The following POTEH variants were observed in gnomAD, a reference collection of about 807,000 sequenced individuals.
The protein encoded by POTEH is ANKRD26-like family C member 3.
POTEH carries 6 observed loss-of-function variants against 41.7 expected under a neutral mutation model. The ratio of observed to expected loss-of-function variants is 0.14; its 90% confidence interval spans 0.08 to 0.28. The LOEUF (loss-of-function observed/expected upper bound fraction) is 0.28. Ranked by LOEUF, POTEH falls within the 10% of genes least tolerant of loss-of-function variation. The pLI is 1.00. For missense variants in POTEH, 115 were observed against 533.5 expected (o/e 0.22, Z 7.73); for synonymous variants, 38 against 179.9 (o/e 0.21, Z 6.31).
chr22:15,691,959 C>G (rs1989325321), intron 1 of POTEH, among the ~76,000 whole-genome samples: 1 of 143,846 alleles, frequency 7.0e-6, no homozygotes, highest in East Asian at 2.1e-4. Flanking sequence ...GAAGAAAACA[C>G]AAGTGCCTAT....
intron 1 of POTEH, among the ~76,000 whole-genome samples, chr22:15,691,646 A>C (rs1989314586): frequency 6.8e-6 from 1 of 145,992 alleles, no homozygotes; most frequent in African/African-American, 2.5e-5. Flanking sequence ...GTGCTAAGTT[A>C]ATTTTTTTGT....
chr22:15,691,186 A>G, intron 1 of POTEH, among the ~76,000 whole-genome samples: 1 of 139,886 alleles, frequency 7.1e-6, no homozygotes, highest in African/African-American at 2.6e-5. Context: ...TGAAATGGGA[A>G]GATGGTTCTT....
intron 6 of POTEH, among the ~76,000 whole-genome samples, chr22:15,703,810 C>T (rs1323241849): frequency 6.8e-6 from 1 of 148,104 alleles, no homozygotes; most frequent in African/African-American, 2.5e-5. Context: ...ATGTAGTTTT[C>T]ATCTTTAAGG....
intron 9 of POTEH, among the ~76,000 whole-genome samples, chr22:15,712,776 G>T (rs1989847403): frequency 7.8e-6 from 1 of 127,718 alleles, no homozygotes. Flanking sequence ...CAATTACTTT[G>T]TATATTTGAT....
At chr22:15,700,494 G>A (rs1989552136) in intron 5 of POTEH, 1 of 130,020 alleles carries the variant, frequency 7.7e-6, no homozygotes, top group Non-Finnish European at 1.4e-5. Flanking sequence ...CTATGCATGG[G>A]ATAAAAAATA....
intron 1 of POTEH, among the ~76,000 whole-genome samples, chr22:15,693,109 G>C (rs1436125664): frequency 2.4e-5 from 3 of 127,514 alleles, no homozygotes; most frequent in Non-Finnish European, 5.4e-5. Flanking sequence ...GATGTACCTT[G>C]CTATAGCAAG....
rs551898915 is a variant in POTEH at position 15,691,520 on chromosome 22, C to T, written c.632+811C>T. Among the ~76,000 whole-genome samples, 104 of 95,258 alleles carry T rather than the reference C, an allele frequency of 1.1e-3. 9 individuals are homozygous for T. The highest frequency in any genetic ancestry group is 5.1e-3 in the Middle Eastern group (1 of 196). 62.5% of individuals were successfully genotyped at this position (95,258 alleles called of 152,430 possible). A position where few individuals can be genotyped will look rare whatever the true frequency, so the allele number is the denominator to read the frequency against. On this transcript the variant is annotated intron_variant, in intron 1 of 10. Transcript: ENST00000343518. ...GAGCCTGGGAGACAGAGCAAGACTC[C>T]GTCTCAAAAAAAAAAAAAAAAAAAA...
intron 6 of POTEH, among the ~76,000 whole-genome samples, chr22:15,706,569 A>ATCAG (rs1989678648): frequency 6.7e-6 from 1 of 148,972 alleles, no homozygotes; most frequent in Non-Finnish European, 1.5e-5. Context: ...CACATGAATT[A>ATCAG]TCAGTCACCT....
At chr22:15,691,740 A>T (rs1357477653) in intron 1 of POTEH, among the ~76,000 whole-genome samples, 159 of 147,648 alleles carry the variant, frequency 1.1e-3, no homozygotes, top group Middle Eastern at 3.5e-3. Context: ...AACAGCTGAA[A>T]AGACATCAAT....
chr22:15,699,422 A>T (rs1989515234), intron 4 of POTEH: 1 of 183,408 alleles, frequency 5.5e-6, no homozygotes, highest in Admixed American at 5.5e-5. Context: ...TAAAGAGAAA[A>T]AAGTTAGGCT....
chr22:15,710,480 G>A (rs1267370081), intron 8 of POTEH, among the ~76,000 whole-genome samples: 5 of 152,218 alleles, frequency 3.3e-5, no homozygotes, highest in Admixed American at 1.3e-4. Flanking sequence ...GGTAAAGAGG[G>A]ATGAAGACAC....
intron 9 of POTEH, among the ~76,000 whole-genome samples, chr22:15,711,722 ATACT>A (rs779463060): frequency 2.1e-3 from 312 of 150,600 alleles, no homozygotes; most frequent in Middle Eastern, 0.01. Context: ...TGTTACATAC[ATACT>A]TACATATAAG....
chr22:15,711,377 G>A lies in POTEH; in HGVS notation c.1520+343G>A, dbSNP rs1398902241. ...TAATAAGCAAAATACTCGAATGGTAGTTTTTTGGTCGTCTCCCTCCTGCCA... is the reference window on the plus strand; with the variant it reads ...TAATAAGCAAAATACTCGAATGGTAATTTTTTGGTCGTCTCCCTCCTGCCA... On this transcript the variant is annotated intron_variant, in intron 9 of 10. Coordinates refer to ENST00000343518, the MANE Select transcript of POTEH (RefSeq NM_001136213.1). Among the ~76,000 whole-genome samples, 118 of 151,842 alleles carry A rather than the reference G, an allele frequency of 7.8e-4. 1 individual carries two copies. The highest frequency in any genetic ancestry group is 2.8e-3 in the African/African-American group (113 of 41,084).
At chr22:15,707,922 GAAATA>G in intron 6 of POTEH, 93 bp from the exon 7 acceptor site, 4 of 1,180,610 alleles carry the variant, frequency 3.4e-6, no homozygotes, top group South Asian at 3.1e-5. Flanking sequence ...CTCAATTTAT[GAAATA>G]AAATGAAATG....
intron 10 of POTEH, among the ~76,000 whole-genome samples, chr22:15,720,209 C>CT: frequency 8.9e-6 from 1 of 112,994 alleles, no homozygotes. Flanking sequence ...ATCATCCTTA[C>CT]TTTTGTGGAG....
chr22:15,699,187 A>G (rs1242794034), intron 4 of POTEH, among the ~76,000 whole-genome samples: 1 of 147,512 alleles, frequency 6.8e-6, no homozygotes, highest in East Asian at 2.0e-4. Flanking sequence ...TGTCTTTTCA[A>G]TGATTCTGCC....
intron 1 of POTEH, among the ~76,000 whole-genome samples, chr22:15,692,734 G>C (rs1248380165): frequency 8.1e-6 from 1 of 123,580 alleles, no homozygotes; most frequent in Non-Finnish European, 1.8e-5. Flanking sequence ...CGGCATGGGT[G>C]ACAGAGTGAG....
At chr22:15,713,684 G>A (rs1321970625) in intron 9 of POTEH, among the ~76,000 whole-genome samples, 2 of 152,298 alleles carry the variant, frequency 1.3e-5, no homozygotes, top group African/African-American at 4.8e-5. Context: ...ATTTTTAGTA[G>A]TGACAGGGTT....
intron 1 of POTEH, among the ~76,000 whole-genome samples, chr22:15,691,495 G>C (rs73387903): frequency 0.64 from 70,785 of 109,908 alleles, 22,138 homozygotes; most frequent in African/African-American, 0.81. Context: ...CACTGTAGTA[G>C]AGCCTGGGAG....
Sources: allele counts gnomAD v4.1 joint callset (sites outside exome capture counted in the v4.1 genomes callset), GRCh38; gene constraint gnomAD v4.1.1; transcripts MANE v1.5; gene names NCBI Gene and HGNC (gene_info 2026-07-23, HGNC 2026-07-21).